Variants in GOLGB1 observed in about 807,000 individuals in gnomAD.
The protein encoded by GOLGB1 is golgin B1.
Under a neutral mutation model 336.9 loss-of-function variants are expected in GOLGB1, and 174 were observed. The observed-to-expected ratio is 0.52, with a 90% CI of 0.46 to 0.59. The LOEUF is 0.59. Among genes scored for constraint, GOLGB1 ranks in the 20% least tolerant of loss-of-function variants. The pLI is 0.00. For missense variants in GOLGB1, 3,331 were observed against 3,645.3 expected (o/e 0.91, Z 2.22); for synonymous variants, 1,208 against 1,289.2 (o/e 0.94, Z 1.35).
chr3:121,687,046 G>T (rs893254458), intron 14 of GOLGB1, among the ~76,000 whole-genome samples: 1 of 152,190 alleles, frequency 6.6e-6, no homozygotes, highest in Non-Finnish European at 1.5e-5. Context: ...GCCGAGGCAG[G>T]TGGATCACTT....
intron 1 of GOLGB1, among the ~76,000 whole-genome samples, chr3:121,733,928 T>C (rs1300227657): frequency 3.9e-5 from 6 of 152,194 alleles, no homozygotes; most frequent in Admixed American, 3.9e-4. Context: ...TAAACTTAAA[T>C]TGTAAAGGTT....
Position 121,726,979 on chromosome 3 carries a change from C to G in GOLGB1, c.465G>C (p.Glu155Asp). The G allele has an allele frequency of 6.2e-7, 1 of 1,603,966 alleles. No homozygotes were observed. The highest frequency in any genetic ancestry group is 1.3e-5 in the African/African-American group (1 of 74,752). Reference sequence around the variant, plus strand: ...GCAAAGTGCTGATTAGTTCCTCCTTCTCCTGGAGCTTATGTTTTATCTTTT... The same window carrying G: ...GCAAAGTGCTGATTAGTTCCTCCTTGTCCTGGAGCTTATGTTTTATCTTTT... The part of the protein sequence containing the change: ...EIEKIKHKLQ[E>D]KEELISTLQA... Residue 155 changes from glutamate to aspartate, a missense_variant, in exon 5 of 22, where the codon GAG (glutamate) becomes GAC (aspartate). Coordinates refer to ENST00000614479, the MANE Select transcript of GOLGB1 (RefSeq NM_001366282.2).
chr3:121,726,848 C>T (rs1032960656), intron 5 of GOLGB1, 65 bp downstream of exon 5: 20 of 1,217,440 alleles, frequency 1.6e-5, no homozygotes, highest in East Asian at 2.7e-5. Context: ...GTATTTGTCA[C>T]ATAATAATCC....
intron 15 of GOLGB1, among the ~76,000 whole-genome samples, chr3:121,679,978 A>G (rs887219152): frequency 6.6e-6 from 1 of 152,186 alleles, no homozygotes; most frequent in South Asian, 2.1e-4. Context: ...CCTCTTAACC[A>G]TTCCCCATAG....
At chr3:121,721,290 T>C (rs1945175443) in intron 6 of GOLGB1, among the ~76,000 whole-genome samples, 2 of 151,814 alleles carry the variant, frequency 1.3e-5, no homozygotes, top group African/African-American at 4.8e-5. Context: ...ACAAAGGTAC[T>C]TCAGGGAAAA....
At chr3:121,726,442 AAAAAAAAAAAAAG>A (rs1201252105) in intron 5 of GOLGB1, among the ~76,000 whole-genome samples, 1 of 149,522 alleles carries the variant, frequency 6.7e-6, no homozygotes, top group Non-Finnish European at 1.5e-5. Context: ...TCAAAAAAAA[AAAAAAAAAAAAAG>A]AAAAGAAAAG....
rs1943143861 is a variant in GOLGB1, at chr3:121,698,564, T to TGTTCTACTTTGATGTTCA, written c.1941_1958dup (p.Glu648_Thr653dup). The TGTTCTACTTTGATGTTCA allele has an allele frequency of 6.2e-7, 1 of 1,613,838 alleles. No homozygotes were observed. Among genetic ancestry groups the TGTTCTACTTTGATGTTCA allele is most frequent in the African/African-American group, 1.3e-5 (1 of 74,924 alleles). On this transcript the variant is annotated inframe_insertion, in exon 13 of 22. Coordinates refer to ENST00000614479, the MANE Select transcript of GOLGB1 (RefSeq NM_001366282.2). ...CATCATTTAAAGATATTTCCTCAGATGTTCTACTTTGATGTTCAGTGCTCG... is the reference window on the plus strand; with the variant it reads ...CATCATTTAAAGATATTTCCTCAGATGTTCTACTTTGATGTTCAGTTCTACTTTGATGTTCAGTGCTCG...
rs752766966 is a variant in GOLGB1 at position 121,692,299 on chromosome 3, T to G, written c.7065A>C (p.Gln2355His). 1.2e-6 allele frequency: 2 copies of G among 1,611,624 alleles called. No individual in the cohort carries two copies. Among genetic ancestry groups the G allele is most frequent in the Admixed American group, 3.4e-5 (2 of 59,438 alleles). The change falls in exon 14 of 22, where the codon CAA becomes CAC. Residue 2355 changes from glutamine (Q) to histidine (H), a missense_variant. By Grantham distance (24) the Gln-to-His change is conservative (BLOSUM62 0). Coordinates refer to ENST00000614479, the MANE Select transcript of GOLGB1 (RefSeq NM_001366282.2). ...GIIRQQEADI[Q>H]NSKFSYEQLE... ...GTTGTTCATAACTGAACTTAGAATTTTGAATATCAGCCTCTTGCTGCCTTA... is the reference window on the plus strand; with the variant it reads ...GTTGTTCATAACTGAACTTAGAATTGTGAATATCAGCCTCTTGCTGCCTTA...
chr3:121,678,232 A>G (rs937344780), intron 15 of GOLGB1, among the ~76,000 whole-genome samples: 1 of 152,230 alleles, frequency 6.6e-6, no homozygotes, highest in Admixed American at 6.5e-5. Context: ...AAGATGTTAA[A>G]TATGAAAATC....
At chr3:121,670,767 T>G (rs1046474887) in intron 17 of GOLGB1, among the ~76,000 whole-genome samples, 5,393 of 55,530 alleles carry the variant, frequency 0.097, 8 homozygotes, top group Middle Eastern at 0.11. Flanking sequence ...GGGGGGGGGG[T>G]GTGGGAGGAG....
At chr3:121,681,922 A>G in intron 14 of GOLGB1, 57 bp from the exon 15 acceptor site, 1 of 1,207,152 alleles carries the variant, frequency 8.3e-7, no homozygotes, top group African/African-American at 1.5e-5. Flanking sequence ...ATCTAACTGT[A>G]AGTCATTGGT....
In GOLGB1 at chr3:121,695,327, T is replaced by A. The variant is rs1576348552; in HGVS notation, c.5196A>T (p.Glu1732Asp). 1 of 1,614,134 alleles carries A rather than the reference T, an allele frequency of 6.2e-7. No homozygotes were observed. The highest frequency in any genetic ancestry group is 8.5e-7 in the Non-Finnish European group (1 of 1,180,016). Reference sequence around the variant, plus strand: ...CATACTCCATTTTGACCCTTTCAAGTTCTTCCTTCATGCTGGCATTGGAAG... The same window carrying A: ...CATACTCCATTTTGACCCTTTCAAGATCTTCCTTCATGCTGGCATTGGAAG... ...LLSSNASMKE[E>D]LERVKMEYET... The change falls in exon 13 of 22, where the codon GAA (glutamate) becomes GAT (aspartate). Residue 1732 changes from glutamate (E) to aspartate (D), a missense_variant. By Grantham distance (45) the Glu-to-Asp change is conservative (BLOSUM62 2). Coordinates refer to ENST00000614479, the MANE Select transcript of GOLGB1 (RefSeq NM_001366282.2).
chr3:121,741,786 A>T (rs1456111962), intron 1 of GOLGB1, among the ~76,000 whole-genome samples: 1 of 152,178 alleles, frequency 6.6e-6, no homozygotes, highest in African/African-American at 2.4e-5. Context: ...GTAATGACAA[A>T]CTGAGAAGCA....
rs747023569 is a variant in GOLGB1 at position 121,694,604 on chromosome 3, C to T, written c.5919G>A (p.Leu1973=). The T allele has an allele frequency of 1.1e-5, 17 of 1,612,118 alleles. No homozygotes were observed. In the Admixed American group the frequency reaches 1.5e-4, roughly 14 times the overall value. The change falls in exon 13 of 22, where the codon TTG becomes TTA. Residue 1973 remains leucine, a synonymous_variant. Coordinates refer to ENST00000614479, the MANE Select transcript of GOLGB1 (RefSeq NM_001366282.2). The part of the protein sequence containing the change: ...MKNLKKCVSE[L]EEEKQQLVKE... ...TGACTAACTGCTGCTTTTCTTCTTCCAATTCACTCACACACTTTTTAAGGT... is the reference window on the plus strand; with the variant it reads ...TGACTAACTGCTGCTTTTCTTCTTCTAATTCACTCACACACTTTTTAAGGT...
rs778872946 is a variant in GOLGB1, at chr3:121,698,875, G to T, written c.1648C>A (p.Gln550Lys). The part of the protein sequence containing the change: ...KRSSSAEESG[Q>K]DVLENTFSQK... ...GAAAATGTGTTTTCTAGAACATCTT[G>T]TCCACTTTCCTCAGCAGAAGAGCTC... is the stretch of plus-strand genomic sequence containing the variant. The change falls in exon 13 of 22, where the codon CAA becomes AAA. Residue 550 changes from glutamine (Q) to lysine (K), a missense_variant. Gln to Lys is a moderately conservative substitution (Grantham distance 53). Transcript: ENST00000614479. 6 of 1,607,050 alleles carry T rather than the reference G, an allele frequency of 3.7e-6. No homozygotes were observed. In the Admixed American group the frequency reaches 1.0e-4, roughly 27 times the overall value.
Position 121,695,236 on chromosome 3 carries a change from C to T in GOLGB1, c.5287G>A (p.Asp1763Asn). Residue 1763 changes from aspartate (D) to asparagine (N), a missense_variant, in exon 13 of 22, where the codon GAT (aspartate) becomes AAT (asparagine). Asp to Asn is a conservative substitution (Grantham distance 23). Transcript: ENST00000614479. ...EKDSLSEEVQ[D>N]LKHQIEGNVS... ...TTACCTTCTATCTGATGCTTTAAAT[C>T]TTGAACCTCTTCACTTAGAGAGTCT... 1 of 1,613,640 alleles carries T rather than the reference C, an allele frequency of 6.2e-7. No individual in the cohort carries two copies. The highest frequency in any genetic ancestry group is 8.5e-7 in the Non-Finnish European group (1 of 1,179,884).
chr3:121,686,040 C>T (rs1031056532), intron 14 of GOLGB1, among the ~76,000 whole-genome samples: 7 of 152,182 alleles, frequency 4.6e-5, no homozygotes, highest in Non-Finnish European at 7.4e-5. Flanking sequence ...GTGAACTGGA[C>T]GTAATTCTTT....
chr3:121,747,563 A>G (rs1947455136), intron 1 of GOLGB1, among the ~76,000 whole-genome samples: 1 of 151,772 alleles, frequency 6.6e-6, no homozygotes, highest in South Asian at 2.1e-4. Flanking sequence ...CTGTGTAGCC[A>G]TGGAAAGGAT....
chr3:121,697,175 G>A lies in GOLGB1; in HGVS notation c.3348C>T (p.Leu1116=), dbSNP rs779533778. 1 of 1,613,950 alleles carries A rather than the reference G, an allele frequency of 6.2e-7. No homozygotes were observed. The highest frequency in any genetic ancestry group is 1.7e-5 in the Admixed American group (1 of 59,990). ...CTTGGTTTTCACTGATTTCTGCTTGGAGCAAATCTATTTGGTTTGTTTTAT... is the reference window on the plus strand; with the variant it reads ...CTTGGTTTTCACTGATTTCTGCTTGAAGCAAATCTATTTGGTTTGTTTTAT... ...LQDKTNQIDL[L]QAEISENQAI... Residue 1116 remains leucine (L), a synonymous_variant, in exon 13 of 22, where the codon CTC becomes CTT. Coordinates refer to ENST00000614479, the MANE Select transcript of GOLGB1 (RefSeq NM_001366282.2).
Sources: gnomAD v4.1 joint callset for allele counts (sites outside exome capture counted in the v4.1 genomes callset) on GRCh38, gnomAD v4.1.1 for gene constraint, MANE v1.5 for transcripts, NCBI Gene and HGNC (gene_info 2026-07-23, HGNC 2026-07-21) for gene names.